Variants in CTNND2 observed in about 807,000 individuals in gnomAD.
CTNND2 encodes catenin delta-2.
CTNND2 carries 22 observed loss-of-function variants against 144.4 expected under a neutral mutation model. The observed-to-expected ratio is 0.15, with a 90% CI of 0.11 to 0.22. The LOEUF (loss-of-function observed/expected upper bound fraction) is 0.22. Ranked by LOEUF, CTNND2 falls within the 10% of genes least tolerant of loss-of-function variation. The pLI is 1.00. For synonymous variants in CTNND2, 751 were observed against 695.6 expected, an observed-to-expected ratio of 1.08 and a Z score of -1.25; for missense variants, 1,353 against 1,618.8, an observed-to-expected ratio of 0.84 and a Z score of 2.82.
At chr5:11,346,003 TGAC>T (rs1272293078) in intron 9 of CTNND2, among the ~76,000 whole-genome samples, 3 of 152,194 alleles carry the variant, frequency 2.0e-5, no homozygotes, top group Non-Finnish European at 4.4e-5. Context: ...ATACGCATGA[TGAC>T]AAAGCATACT....
At chr5:11,815,275 T>C (rs1226250645) in intron 1 of CTNND2, among the ~76,000 whole-genome samples, 1 of 152,196 alleles carries the variant, frequency 6.6e-6, no homozygotes. Context: ...TAAATGTTAA[T>C]TAAAATTAAC....
intron 3 of CTNND2, among the ~76,000 whole-genome samples, chr5:11,497,643 A>C (rs1770103883): frequency 6.6e-6 from 1 of 151,954 alleles, no homozygotes; most frequent in East Asian, 1.9e-4. Flanking sequence ...GACACAGGCA[A>C]AGGTGAAATA....
chr5:11,554,463 G>A lies in CTNND2; in HGVS notation c.287+10481C>T, dbSNP rs1040507296. Among the ~76,000 whole-genome samples the A allele has an allele frequency of 6.6e-5, 10 of 151,970 alleles. No individual in the cohort carries two copies. The East Asian group carries it at 1.3e-3, about 20-fold the overall frequency. On this transcript the variant is annotated intron_variant, in intron 3 of 21. Coordinates refer to ENST00000304623, the MANE Select transcript of CTNND2 (RefSeq NM_001332.4). Reference sequence around the variant, plus strand: ...TTGGGGAGTACAGATGCCTAGATTCGGAAATCAATGTCTAGACACCATTGA... The same window carrying A: ...TTGGGGAGTACAGATGCCTAGATTCAGAAATCAATGTCTAGACACCATTGA...
intron 12 of CTNND2, among the ~76,000 whole-genome samples, chr5:11,137,303 A>G (rs1256742559): frequency 6.6e-6 from 1 of 152,194 alleles, no homozygotes; most frequent in African/African-American, 2.4e-5. Context: ...CAGGAATTTT[A>G]TTAATTTTCC....
At chr5:11,567,994 T>G (rs1197105576) in intron 2 of CTNND2, among the ~76,000 whole-genome samples, 1 of 152,178 alleles carries the variant, frequency 6.6e-6, no homozygotes. Flanking sequence ...TTTTTAGATT[T>G]GTTAGGGGGA....
At chr5:11,307,323 G>GTGTA (rs949663239) in intron 9 of CTNND2, among the ~76,000 whole-genome samples, 2 of 151,788 alleles carry the variant, frequency 1.3e-5, no homozygotes, top group African/African-American at 4.8e-5. Context: ...GTGTGTGTGT[G>GTGTA]TGTGTGTGTG....
intron 2 of CTNND2, among the ~76,000 whole-genome samples, chr5:11,706,725 C>G (rs1462077749): frequency 1.3e-5 from 2 of 152,062 alleles, no homozygotes; most frequent in Admixed American, 6.5e-5. Context: ...GAGATTTGCA[C>G]AAATTGTTGT....
chr5:11,026,266 G>C (rs916280930), intron 16 of CTNND2, among the ~76,000 whole-genome samples: 6 of 151,914 alleles, frequency 3.9e-5, no homozygotes, highest in African/African-American at 1.5e-4. Context: ...GCCTGTCTTG[G>C]AATGACCTGC....
At chr5:11,101,647 A>C (rs1751886018) in intron 14 of CTNND2, among the ~76,000 whole-genome samples, 1 of 152,208 alleles carries the variant, frequency 6.6e-6, no homozygotes, top group Non-Finnish European at 1.5e-5. Context: ...CACAAGACTA[A>C]ACTTACAAAT....
chr5:11,774,404 G>T (rs1790121464), intron 1 of CTNND2, among the ~76,000 whole-genome samples: 1 of 105,598 alleles, frequency 9.5e-6, no homozygotes, highest in Non-Finnish European at 1.8e-5. Context: ...CCATGGTGGG[G>T]TGGGGGGAGG....
At chr5:11,669,548 G>A (rs868498869) in intron 2 of CTNND2, among the ~76,000 whole-genome samples, 27 of 152,170 alleles carry the variant, frequency 1.8e-4, no homozygotes, top group Non-Finnish European at 2.8e-4. Context: ...GTTTATTTGC[G>A]TACAGGTGTT....
intron 1 of CTNND2, among the ~76,000 whole-genome samples, chr5:11,862,738 G>A (rs937879035): frequency 1.3e-5 from 2 of 152,026 alleles, no homozygotes; most frequent in African/African-American, 4.8e-5. Context: ...TTGGCTATAC[G>A]ACAATTTATC....
chr5:11,100,135 G>A (rs935253525), intron 14 of CTNND2, among the ~76,000 whole-genome samples: 1 of 152,154 alleles, frequency 6.6e-6, no homozygotes, highest in African/African-American at 2.4e-5. Flanking sequence ...AGAGATGGCT[G>A]CTGTCACAAA....
At chr5:11,153,273 A>G (rs1757915708) in intron 12 of CTNND2, among the ~76,000 whole-genome samples, 1 of 152,134 alleles carries the variant, frequency 6.6e-6, no homozygotes, top group African/African-American at 2.4e-5. Flanking sequence ...AAAGAATAAA[A>G]AAAAAGGGTG....
chr5:11,814,795 T>C (rs1045157256), intron 1 of CTNND2, among the ~76,000 whole-genome samples: 10 of 152,212 alleles, frequency 6.6e-5, no homozygotes, highest in African/African-American at 1.9e-4. Context: ...AATGAAAGGA[T>C]AGCAGAATAG....
intron 1 of CTNND2, among the ~76,000 whole-genome samples, chr5:11,898,462 G>C (rs1429999132): frequency 6.6e-6 from 1 of 152,140 alleles, no homozygotes; most frequent in Non-Finnish European, 1.5e-5. Flanking sequence ...AATGACAGTT[G>C]TGATAATCAC....
intron 9 of CTNND2, among the ~76,000 whole-genome samples, chr5:11,340,896 T>C (rs775361078): frequency 4.6e-5 from 7 of 152,224 alleles, no homozygotes; most frequent in Admixed American, 6.5e-5. Context: ...AGATAACGAA[T>C]ATAAAATATT....
At chr5:11,677,844 C>A (rs959188278) in intron 2 of CTNND2, among the ~76,000 whole-genome samples, 2 of 152,084 alleles carry the variant, frequency 1.3e-5, no homozygotes, top group African/African-American at 4.8e-5. Flanking sequence ...AACAAGTGGT[C>A]CAGAATTTGT....
At chr5:11,754,419 T>C (rs1221859408) in intron 1 of CTNND2, among the ~76,000 whole-genome samples, 3 of 139,310 alleles carry the variant, frequency 2.2e-5, no homozygotes, top group African/African-American at 7.8e-5. Flanking sequence ...TATTCTGTTG[T>C]GGTTTTTTGG....
Sources: allele counts gnomAD v4.1 joint callset (sites outside exome capture counted in the v4.1 genomes callset), GRCh38; gene constraint gnomAD v4.1.1; transcripts MANE v1.5; gene names NCBI Gene and HGNC (gene_info 2026-07-23, HGNC 2026-07-21).